Variants in SMOC1 observed in about 807,000 individuals in gnomAD.
SMOC1 encodes the protein SPARC-related modular calcium-binding protein 1.
Under a neutral mutation model 56.3 loss-of-function variants are expected in SMOC1, and 22 were observed. The observed-to-expected ratio is 0.39, with a 90% confidence interval of 0.28 to 0.56. The LOEUF (loss-of-function observed/expected upper bound fraction) is 0.56, where lower values mean the gene tolerates loss of function less well. Among genes scored for constraint, SMOC1 ranks in the 20% least tolerant of loss-of-function variants. The pLI, the probability that SMOC1 is intolerant of heterozygous loss-of-function variation, is 0.61. For missense variants in SMOC1, 509 were observed against 565.4 expected, an observed-to-expected ratio of 0.90 and a Z score of 1.01; for synonymous variants, 193 against 215.0, an observed-to-expected ratio of 0.90 and a Z score of 0.89.
intron 7 of SMOC1, among the ~76,000 whole-genome samples, chr14:70,007,088 A>G (rs768291070): frequency 6.6e-6 from 1 of 152,220 alleles, no homozygotes; most frequent in Non-Finnish European, 1.5e-5. Context: ...AGGTTAGGAT[A>G]AAAATCAGAT....
At chr14:69,947,105 C>CTTCCTTCT in intron 1 of SMOC1, among the ~76,000 whole-genome samples, 1 of 150,318 alleles carries the variant, frequency 6.7e-6, no homozygotes, top group Non-Finnish European at 1.5e-5. Flanking sequence ...TCCTTCCTTC[C>CTTCCTTCT]TTCCTTCCTT....
At chr14:69,946,109 A>T (rs895419798) in intron 1 of SMOC1, among the ~76,000 whole-genome samples, 2 of 152,196 alleles carry the variant, frequency 1.3e-5, no homozygotes, top group African/African-American at 4.8e-5. Context: ...AAACTAACAC[A>T]GCTTGTGGTA....
intron 1 of SMOC1, among the ~76,000 whole-genome samples, chr14:69,898,299 C>A (rs1884149589): frequency 6.6e-6 from 1 of 152,036 alleles, no homozygotes; most frequent in Admixed American, 6.5e-5. Context: ...TCTCTCTGAG[C>A]TTTCTGGATC....
intron 11 of SMOC1, among the ~76,000 whole-genome samples, chr14:70,029,770 C>T (rs1594865264): frequency 6.6e-6 from 1 of 152,264 alleles, no homozygotes; most frequent in South Asian, 2.1e-4. Context: ...AGGGATTGGC[C>T]AGGTGACTTA....
intron 2 of SMOC1, 27 bp downstream of exon 2, chr14:69,952,330 A>C: frequency 1.2e-6 from 2 of 1,613,086 alleles, no homozygotes; most frequent in South Asian, 2.2e-5. Context: ...CTGCCCAGCC[A>C]AGGAGAGGTT....
At chr14:69,935,385 A>T (rs1885269813) in intron 1 of SMOC1, among the ~76,000 whole-genome samples, 1 of 152,310 alleles carries the variant, frequency 6.6e-6, no homozygotes, top group Non-Finnish European at 1.5e-5. Flanking sequence ...CTTATACAAG[A>T]CCAAACACTC....
rs367784866 is a variant in SMOC1, at chr14:69,890,525, A to C, written c.99+10748A>C. Among the ~76,000 whole-genome samples, 20 of 152,348 alleles carry C rather than the reference A, an allele frequency of 1.3e-4. No homozygotes were observed. The East Asian group carries it at 1.9e-3, about 15-fold the overall frequency. On this transcript the variant is annotated intron_variant, in intron 1 of 11. Transcript: ENST00000361956. ...AATGAGCATCTTTTAATCTTAGAGCAAAATAATAAAGATTAAAACATGCAT... is the reference window on the plus strand; with the variant it reads ...AATGAGCATCTTTTAATCTTAGAGCCAAATAATAAAGATTAAAACATGCAT...
In SMOC1 at chr14:69,934,175, C is replaced by A. The variant is rs227390; in HGVS notation, c.100-17963C>A. On this transcript the variant is annotated intron_variant, in intron 1 of 11. Coordinates refer to ENST00000361956, the MANE Select transcript of SMOC1 (RefSeq NM_001034852.3). ...GAAAGTCCATGTTTTTACCGCCTGC[C>A]TTGCATTTTCTGCCCAGTACAGAGG... Among the ~76,000 whole-genome samples, 26 of 152,232 alleles carry A rather than the reference C, an allele frequency of 1.7e-4. No homozygotes were observed. The East Asian group carries it at 4.4e-3, about 26-fold the overall frequency.
At chr14:70,011,641 C>A in intron 9 of SMOC1, 74 bp downstream of exon 9, 1 of 1,368,080 alleles carries the variant, frequency 7.3e-7, no homozygotes, top group Non-Finnish European at 1.0e-6. Context: ...GCAGAAGAAG[C>A]TGTCTCCTCT....
chr14:70,028,240 T>C (rs1195571445), intron 11 of SMOC1, among the ~76,000 whole-genome samples: 1 of 152,200 alleles, frequency 6.6e-6, no homozygotes, highest in African/African-American at 2.4e-5. Context: ...GTCACTGTCC[T>C]GTGAGGCAGG....
Position 70,023,184 on chromosome 14 carries a change from G to T in SMOC1, c.1047-19G>T, listed in dbSNP as rs1244692406. The stretch of plus-strand genomic sequence containing the variant: ...CTGATTGGTGTTCTCTGCGGTGGGG[G>T]TGTTTGTCCATGGCCCAGGTTCTCA... On this transcript the variant is annotated intron_variant, in intron 10 of 11. Coordinates refer to ENST00000361956, the MANE Select transcript of SMOC1 (RefSeq NM_001034852.3). 3.1e-6 allele frequency: 5 copies of T among 1,613,984 alleles called. No homozygotes were observed. The South Asian group carries it at 3.3e-5, about 11-fold the overall frequency.
intron 1 of SMOC1, among the ~76,000 whole-genome samples, chr14:69,927,781 G>A (rs1339390678): frequency 1.3e-5 from 2 of 152,202 alleles, no homozygotes; most frequent in Non-Finnish European, 2.9e-5. Context: ...TCTGAAGGGA[G>A]GCTAGCAGGG....
intron 3 of SMOC1, among the ~76,000 whole-genome samples, chr14:69,974,160 G>A (rs1883874684): frequency 6.6e-6 from 1 of 152,176 alleles, no homozygotes; most frequent in Non-Finnish European, 1.5e-5. Flanking sequence ...TAACTAGCAT[G>A]CAGTCCCTGA....
chr14:69,879,721 C>T lies in SMOC1; in HGVS notation c.43C>T (p.Leu15=). Residue 15 remains leucine, a synonymous_variant, in exon 1 of 12, where the codon CTG becomes TTG. Transcript: ENST00000361956. The part of the protein sequence containing the change: ...RCARLLTPHL[L]LVLVQLSPAR... ...CGCCCGCCTGCTCACGCCCCACTTG[C>T]TGCTGGTGTTGGTGCAGCTGTCCCC... 11 of 1,590,764 alleles carry T rather than the reference C, an allele frequency of 6.9e-6. No homozygotes were observed. The highest frequency in any genetic ancestry group is 9.4e-6 in the Non-Finnish European group (11 of 1,175,918).
At chr14:69,896,480 A>G (rs977251636) in intron 1 of SMOC1, among the ~76,000 whole-genome samples, 1 of 152,222 alleles carries the variant, frequency 6.6e-6, no homozygotes, top group Non-Finnish European at 1.5e-5. Flanking sequence ...TAATGGTAGG[A>G]AGCTCAATAA....
intron 1 of SMOC1, among the ~76,000 whole-genome samples, chr14:69,903,267 G>A (rs77110452): frequency 1.3e-5 from 2 of 151,794 alleles, no homozygotes. Context: ...CTGCCCAGCC[G>A]CGACCCCCTC....
At chr14:70,006,502 T>C (rs1318056746) in intron 7 of SMOC1, among the ~76,000 whole-genome samples, 9 of 152,162 alleles carry the variant, frequency 5.9e-5, no homozygotes, top group Non-Finnish European at 1.2e-4. Context: ...GAATAATTGA[T>C]TGGTTGACTG....
Position 70,032,087 on chromosome 14 carries a change from G to A in SMOC1, c.*1829G>A, listed in dbSNP as rs1214004696. On this transcript the variant is annotated 3_prime_UTR_variant, in exon 12 of 12. Coordinates refer to ENST00000361956, the MANE Select transcript of SMOC1 (RefSeq NM_001034852.3). Reference sequence around the variant, plus strand: ...GCCCTGCCCCAACGTGGAAAGGTGGGAAGGAAGCCTTCTCCCATTAGCCCC... The same window carrying A: ...GCCCTGCCCCAACGTGGAAAGGTGGAAAGGAAGCCTTCTCCCATTAGCCCC... The A allele has an allele frequency of 6.6e-6, 1 of 152,358 alleles. No individual in the cohort carries two copies. The highest frequency in any genetic ancestry group is 2.4e-5 in the African/African-American group (1 of 41,464). 9.4% of individuals were successfully genotyped at this position (152,358 alleles called of 1,614,324 possible).
chr14:69,937,148 T>C (rs1455376835), intron 1 of SMOC1, among the ~76,000 whole-genome samples: 1 of 152,136 alleles, frequency 6.6e-6, no homozygotes, highest in Non-Finnish European at 1.5e-5. Context: ...CTTTGCTTGG[T>C]GTGCCCTGCA....
Sources: gnomAD v4.1 joint callset for allele counts (sites outside exome capture counted in the v4.1 genomes callset) on GRCh38, gnomAD v4.1.1 for gene constraint, MANE v1.5 for transcripts, NCBI Gene and HGNC (gene_info 2026-07-23, HGNC 2026-07-21) for gene names.